The following ZNF787 variants were observed in gnomAD, a reference collection of about 807,000 sequenced individuals.
ZNF787 encodes the protein TTF-I-interacting peptide 20.
Under a neutral mutation model 16.9 loss-of-function variants are expected in ZNF787, and 7 were observed. The observed-to-expected ratio is 0.42, with a 90% CI of 0.24 to 0.78. The LOEUF is 0.78. Ranked by LOEUF, ZNF787 falls within the 30% of genes least tolerant of loss-of-function variation. ZNF787 has a pLI of 0.30. For missense variants in ZNF787, 551 were observed against 589.3 expected (o/e 0.94, Z 0.67); for synonymous variants, 345 against 270.9 (o/e 1.27, Z -2.69).
intron 1 of ZNF787, among the ~76,000 whole-genome samples, chr19:56,115,461 C>T (rs916752807): frequency 6.6e-6 from 1 of 151,308 alleles, no homozygotes. Flanking sequence ...CGGGTTCACG[C>T]CATTCTCCTG....
chr19:56,087,797 CG>C lies in ZNF787; in HGVS notation c.*225del. On this transcript the variant is annotated 3_prime_UTR_variant, in exon 3 of 3. Coordinates refer to ENST00000610935, the MANE Select transcript of ZNF787 (RefSeq NM_001002836.4). ...TCGCAGGCCGATAACTTAGGAAGGG[CG>C]GGCCAGGCTGAGGGGGCAGAGTCTC... 1.5e-6 allele frequency: 1 copy of C among 647,982 alleles called. No individual in the cohort carries two copies. The highest frequency in any genetic ancestry group is 2.1e-6 in the Non-Finnish European group (1 of 465,394). 40.1% of individuals were successfully genotyped at this position (647,982 alleles called of 1,614,324 possible). A position where few individuals can be genotyped will look rare whatever the true frequency, so the allele number is the denominator to read the frequency against.
intron 1 of ZNF787, among the ~76,000 whole-genome samples, chr19:56,111,974 T>C (rs684653): frequency 0.92 from 139,377 of 152,188 alleles, 64,496 homozygotes; most frequent in Non-Finnish European, 0.99. Flanking sequence ...CGGGTGTTCA[T>C]TCAATGCTCC....
chr19:56,115,354 CTTTTTTTT>C (rs543989293), intron 1 of ZNF787, among the ~76,000 whole-genome samples: 1 of 113,166 alleles, frequency 8.8e-6, no homozygotes, highest in Non-Finnish European at 1.8e-5. Context: ...GATTTCGCTG[CTTTTTTTT>C]TTTTTTTTTT....
intron 2 of ZNF787, 89 bp from the exon 3 acceptor site, chr19:56,089,181 G>A (rs758396949): frequency 3.1e-6 from 3 of 962,730 alleles, no homozygotes; most frequent in East Asian, 6.0e-5. Flanking sequence ...CGGGTGCCTC[G>A]CTCCCCCTGG....
Position 56,088,269 on chromosome 19 carries a change from G to A in ZNF787, c.903C>T (p.Ala301=). Residue 301 remains alanine, a synonymous_variant, in exon 3 of 3, where the codon GCC becomes GCT. Transcript: ENST00000610935. The surrounding 1 kb of genome is among the most constrained non-coding windows in gnomAD (Gnocchi z 8.6). The part of the protein sequence containing the change: ...HGAGLLAHQR[A]QHGDGLGAAG... Reference sequence around the variant, plus strand: ...CCGCCCCGAGCCCGTCCCCGTGCTGGGCCCGCTGGTGCGCCAGGAGCCCGG... The same window carrying A: ...CCGCCCCGAGCCCGTCCCCGTGCTGAGCCCGCTGGTGCGCCAGGAGCCCGG... The A allele has an allele frequency of 1.4e-6, 2 of 1,418,656 alleles. No homozygotes were observed. Among genetic ancestry groups the A allele is most frequent in the Admixed American group, 2.9e-5 (1 of 33,946 alleles). 87.9% of individuals were successfully genotyped at this position (1,418,656 alleles called of 1,614,324 possible). A position where few individuals can be genotyped will look rare whatever the true frequency, so the allele number is the denominator to read the frequency against.
intron 2 of ZNF787, among the ~76,000 whole-genome samples, 167 bp from the exon 3 acceptor site, chr19:56,089,259 C>T (rs1464257872): frequency 6.6e-6 from 1 of 152,110 alleles, no homozygotes; most frequent in Non-Finnish European, 1.5e-5. Context: ...ATTTATTACC[C>T]CTCTCCCCAG....
chr19:56,112,953 T>C (rs2030024598), intron 1 of ZNF787, among the ~76,000 whole-genome samples: 1 of 111,020 alleles, frequency 9.0e-6, no homozygotes, highest in Non-Finnish European at 1.8e-5. Context: ...CTTCTCCCCA[T>C]TCCCCTTCCC....
Position 56,087,704 on chromosome 19 carries a change from A to G in ZNF787, c.*319T>C. The G allele has an allele frequency of 5.6e-6, 1 of 178,220 alleles. No homozygotes were observed. 11.0% of individuals were successfully genotyped at this position (178,220 alleles called of 1,614,324 possible). A position where few individuals can be genotyped will look rare whatever the true frequency, so the allele number is the denominator to read the frequency against. ...CCCGGACAACTGAGGAAGAGCAGGG[A>G]AAATGGCCTTCCGCTTGGGGCCTGG... On this transcript the variant is annotated 3_prime_UTR_variant, in exon 3 of 3. Transcript: ENST00000610935.
intron 1 of ZNF787, among the ~76,000 whole-genome samples, chr19:56,111,148 C>G (rs1385423715): frequency 6.6e-6 from 1 of 152,172 alleles, no homozygotes; most frequent in Admixed American, 6.5e-5. Flanking sequence ...TCTGCTGACC[C>G]TGATGTAAAT....
intron 2 of ZNF787, among the ~76,000 whole-genome samples, chr19:56,096,251 AAT>A (rs1253139355): frequency 1.5e-3 from 178 of 117,048 alleles, no homozygotes; most frequent in African/African-American, 3.9e-3. Context: ...AAAATAAAAA[AAT>A]AAAAAAAATA....
chr19:56,090,617 T>G (rs1200822936), intron 2 of ZNF787, among the ~76,000 whole-genome samples: 1 of 150,578 alleles, frequency 6.6e-6, no homozygotes, highest in Non-Finnish European at 1.5e-5. Context: ...AGGTCAGGAG[T>G]TCAAGACTAT....
intron 1 of ZNF787, among the ~76,000 whole-genome samples, chr19:56,108,922 A>G (rs1393914474): frequency 6.6e-6 from 1 of 152,144 alleles, no homozygotes; most frequent in Non-Finnish European, 1.5e-5. Context: ...AGGAAAGCCC[A>G]AATCTCAGGA....
rs543989293 is a variant in ZNF787 at position 56,115,354 on chromosome 19, CTT to C, written c.-11+5816_-11+5817del. Among the ~76,000 whole-genome samples the C allele has an allele frequency of 3.4e-3, 389 of 113,154 alleles. 1 individual carries two copies. The highest frequency in any genetic ancestry group is 0.013 in the African/African-American group (366 of 27,260). 74.2% of individuals were successfully genotyped at this position (113,154 alleles called of 152,430 possible). ...CGGCCGCGGCACGTTGATTTCGCTG[CTT>C]TTTTTTTTTTTTTTTTTTTTGAGAC... On this transcript the variant is annotated intron_variant, in intron 1 of 2. Transcript: ENST00000610935.
chr19:56,115,837 G>A (rs1340450733), intron 1 of ZNF787, among the ~76,000 whole-genome samples: 1 of 152,228 alleles, frequency 6.6e-6, no homozygotes, highest in Non-Finnish European at 1.5e-5. Context: ...ACAGCCCGCA[G>A]GACTTGGTGC....
intron 1 of ZNF787, among the ~76,000 whole-genome samples, chr19:56,110,285 C>T (rs1207582342): frequency 4.0e-5 from 6 of 150,842 alleles, no homozygotes; most frequent in African/African-American, 1.5e-4. Context: ...GCTTGAACCC[C>T]GGAGGCAGAG....
Position 56,087,811 on chromosome 19 carries a change from G to T in ZNF787, c.*212C>A. The T allele has an allele frequency of 1.3e-6, 1 of 748,830 alleles. No homozygotes were observed. Among genetic ancestry groups the T allele is most frequent in the Non-Finnish European group, 1.8e-6 (1 of 553,884 alleles). 46.4% of individuals were successfully genotyped at this position (748,830 alleles called of 1,614,324 possible). On this transcript the variant is annotated 3_prime_UTR_variant, in exon 3 of 3. Transcript: ENST00000610935. ...CTTAGGAAGGGCGGGCCAGGCTGAG[G>T]GGGCAGAGTCTCGAGGCGGAGAAGT...
chr19:56,098,638 A>ATGGC (rs1568527069), intron 2 of ZNF787, among the ~76,000 whole-genome samples: 26 of 107,630 alleles, frequency 2.4e-4, no homozygotes, highest in East Asian at 9.5e-4. Flanking sequence ...GCAGGGTGAT[A>ATGGC]CAGCCGCAGG....
At chr19:56,104,852 G>A (rs1986241907) in intron 1 of ZNF787, among the ~76,000 whole-genome samples, 1 of 152,254 alleles carries the variant, frequency 6.6e-6, no homozygotes, top group African/African-American at 2.4e-5. Flanking sequence ...TCCCTGGCTG[G>A]ATGCGGTGGC....
intron 2 of ZNF787, among the ~76,000 whole-genome samples, chr19:56,093,165 A>G (rs898431928): frequency 6.6e-6 from 1 of 150,816 alleles, no homozygotes; most frequent in Non-Finnish European, 1.5e-5. Context: ...GGGATATTCC[A>G]TAGACACGGG....
Sources: gnomAD v4.1 joint callset for allele counts (sites outside exome capture counted in the v4.1 genomes callset) on GRCh38, gnomAD v4.1.1 for gene constraint, Gnocchi (gnomAD v3.1) non-coding constraint, MANE v1.5 for transcripts, NCBI Gene and HGNC (gene_info 2026-07-23, HGNC 2026-07-21) for gene names.